COMT: variants seen among roughly 807,000 people sequenced by gnomAD.
COMT encodes the protein catechol-O-methyltransferase, also known as catechol O-methyltransferase.
COMT carries 13 observed loss-of-function variants against 18.9 expected under a neutral mutation model. The ratio of observed to expected loss-of-function variants is 0.69; its 90% confidence interval spans 0.45 to 1.09. The LOEUF is 1.09. Ranked by LOEUF, COMT falls within the 50% of genes least tolerant of loss-of-function variation. COMT has a pLI of 0.00. For synonymous variants in COMT, 150 were observed against 160.9 expected (o/e 0.93, Z 0.51); for missense variants, 329 against 361.8 (o/e 0.91, Z 0.73).
At chr22:19,942,748 G>C (rs1941762084) in intron 1 of COMT, among the ~76,000 whole-genome samples, 1 of 152,208 alleles carries the variant, frequency 6.6e-6, no homozygotes, top group Non-Finnish European at 1.5e-5. Context: ...GAAAAAGCTG[G>C]CTCCATGCTG....
rs9332378 is a variant in COMT at position 19,968,361 on chromosome 22, G to C, written c.616-175G>C. On this transcript the variant is annotated intron_variant, in intron 5 of 5. Coordinates refer to ENST00000361682, the MANE Select transcript of COMT (RefSeq NM_000754.4). Reference sequence around the variant, plus strand: ...CCCATGTTCTGAAGGTGGCACCCAAGTCTTGTACAGTCCTTTCCTGCAGGA... The same window carrying C: ...CCCATGTTCTGAAGGTGGCACCCAACTCTTGTACAGTCCTTTCCTGCAGGA... Among the ~76,000 whole-genome samples the C allele has an allele frequency of 5.7e-3, 870 of 152,318 alleles. 8 individuals carry two copies. Among genetic ancestry groups the C allele is most frequent in the African/African-American group, 0.02 (846 of 41,564 alleles).
chr22:19,966,697 T>C (rs550972620), intron 5 of COMT, among the ~76,000 whole-genome samples: 1 of 152,050 alleles, frequency 6.6e-6, no homozygotes, highest in East Asian at 1.9e-4. Context: ...TGCCTCAACC[T>C]CCCAAAGTGC....
Position 19,950,336 on chromosome 22 carries a change from T to G in COMT, c.-92+8439T>G, listed in dbSNP as rs564321052. On this transcript the variant is annotated intron_variant, in intron 1 of 5. Transcript: ENST00000361682. ...CTAGCCTCAAGTGATCCACTTACCT[T>G]GGCCTCCCAAAGTGCTGGGATTACA... Among the ~76,000 whole-genome samples the G allele has an allele frequency of 4.0e-5, 6 of 150,352 alleles. No individual in the cohort carries two copies. The South Asian group carries it at 1.3e-3, about 32-fold the overall frequency.
chr22:19,953,893 G>C (rs1050941171), intron 1 of COMT, among the ~76,000 whole-genome samples: 3 of 152,130 alleles, frequency 2.0e-5, no homozygotes, highest in African/African-American at 7.2e-5. Context: ...AGGCAGAATC[G>C]GATGTGACCA....
chr22:19,964,328 C>T, intron 5 of COMT, 29 bp downstream of exon 5: 3 of 1,613,658 alleles, frequency 1.9e-6, no homozygotes, highest in Non-Finnish European at 2.5e-6. Context: ...GGCATCCGTG[C>T]CAGCTGCTGC....
intron 1 of COMT, among the ~76,000 whole-genome samples, chr22:19,942,472 C>T (rs559049307): frequency 1.6e-3 from 238 of 152,196 alleles, no homozygotes; most frequent in Admixed American, 2.5e-3. Flanking sequence ...CAGGAAGGGG[C>T]CCAGGACTCC....
intron 3 of COMT, 145 bp downstream of exon 3, chr22:19,962,960 C>G: frequency 1.2e-5 from 13 of 1,073,558 alleles, no homozygotes; most frequent in East Asian, 2.6e-5. Flanking sequence ...GGGGGCTCCT[C>G]TGGAGTCCCA....
rs34300220 is a variant in COMT, at chr22:19,955,121, C to T, written c.-91-6078C>T. On this transcript the variant is annotated intron_variant, in intron 1 of 5. Coordinates refer to ENST00000361682, the MANE Select transcript of COMT (RefSeq NM_000754.4). ...CTGGGCCCAAGCAATCCTCCCACTT[C>T]AGCCTCCTGAGTAGCTGCAGCTATA... is the stretch of plus-strand genomic sequence containing the variant. Among the ~76,000 whole-genome samples, 1,006 of 152,334 alleles carry T rather than the reference C, an allele frequency of 6.6e-3. 2 individuals are homozygous for T. The highest frequency in any genetic ancestry group is 0.02 in the Middle Eastern group (6 of 294).
chr22:19,964,446 T>TGGG, intron 5 of COMT, 147 bp downstream of exon 5: 1 of 1,198,934 alleles, frequency 8.3e-7, no homozygotes, highest in Non-Finnish European at 1.2e-6. Context: ...TCTGGGAGTG[T>TGGG]GGGGGACTGA....
Position 19,950,397 on chromosome 22 carries a change from T to A in COMT, c.-92+8500T>A, listed in dbSNP as rs546713701. On this transcript the variant is annotated intron_variant, in intron 1 of 5. Transcript: ENST00000361682. ...ACCACCCAGCCCTATTTTATATTTT[T>A]ATCTGAACTGTGTTTCTGGCAAATT... Among the ~76,000 whole-genome samples, 7 of 152,264 alleles carry A rather than the reference T, an allele frequency of 4.6e-5. 1 individual carries two copies. Among genetic ancestry groups the A allele is most frequent in the African/African-American group, 1.7e-4 (7 of 41,534 alleles).
At chr22:19,967,708 C>T (rs1023514873) in intron 5 of COMT, 7 of 262,706 alleles carry the variant, frequency 2.7e-5, no homozygotes, top group African/African-American at 1.6e-4. Flanking sequence ...TGCTTGTTAA[C>T]TTTTGTTTGG....
In COMT at chr22:19,962,654, T is replaced by C. The variant is rs1261617944; in HGVS notation, c.128T>C (p.Leu43Pro). The change falls in exon 3 of 6, where the codon CTG becomes CCG. Residue 43 changes from leucine to proline, a missense_variant. Leu to Pro is a moderately conservative substitution (Grantham distance 98, BLOSUM62 -3). Transcript: ENST00000361682. ...CTTATCGGCTGGAACGAGTTCATCC[T>C]GCAGCCCATCCACAACCTGCTCATG... ...LCLIGWNEFI[L>P]QPIHNLLMGD... 6.2e-7 allele frequency: 1 copy of C among 1,610,690 alleles called. No homozygotes were observed. Among genetic ancestry groups the C allele is most frequent in the East Asian group, 2.2e-5 (1 of 44,758 alleles).
Position 19,962,736 on chromosome 22 carries a change from G to A in COMT, c.210G>A (p.Gly70=), listed in dbSNP as rs1232805788. The A allele has an allele frequency of 2.5e-6, 4 of 1,613,762 alleles. No homozygotes were observed. Among genetic ancestry groups the A allele is most frequent in the Non-Finnish European group, 8.5e-7 (1 of 1,179,980 alleles). ...LNHVLQHAEP[G]NAQSVLEAID... Reference sequence around the variant, plus strand: ...ACGTGCTGCAGCATGCGGAGCCCGGGAACGCACAGAGCGTGCTGGAGGCCA... The same window carrying A: ...ACGTGCTGCAGCATGCGGAGCCCGGAAACGCACAGAGCGTGCTGGAGGCCA... The change falls in exon 3 of 6, where the codon GGG becomes GGA. Residue 70 remains glycine (G), a synonymous_variant. Coordinates refer to ENST00000361682, the MANE Select transcript of COMT (RefSeq NM_000754.4).
Position 19,965,711 on chromosome 22 carries a change from T to G in COMT, c.615+1412T>G, listed in dbSNP as rs562735138. On this transcript the variant is annotated intron_variant, in intron 5 of 5. Coordinates refer to ENST00000361682, the MANE Select transcript of COMT (RefSeq NM_000754.4). ...AAAGATCCCTGTCAGCCTTGTGGAG[T>G]GTGGAGAGGGCTGTGGGGAGGGCAT... The G allele has an allele frequency of 6.2e-3, 928 of 150,612 alleles. 6 individuals carry two copies. The highest frequency in any genetic ancestry group is 0.011 in the Non-Finnish European group (719 of 67,732). The allele number at this position is 150,612 out of a possible 1,614,324, so 9.3% of individuals were successfully genotyped here.
chr22:19,956,137 C>CT lies in COMT; in HGVS notation c.-91-5037dup, dbSNP rs71186638. Among the ~76,000 whole-genome samples, 661 of 84,792 alleles carry CT rather than the reference C, an allele frequency of 7.8e-3. 12 individuals carry two copies. Among genetic ancestry groups the CT allele is most frequent in the Middle Eastern group, 0.015 (1 of 66 alleles). The allele number at this position is 84,792 out of a possible 152,430, so 55.6% of individuals were successfully genotyped here. ...CTTTCTTTCTTTTTTTTCTTTTTTT[C>CT]TTTTTTTTTTTTTTTTTTTTTTTTT... On this transcript the variant is annotated intron_variant, in intron 1 of 5. Coordinates refer to ENST00000361682, the MANE Select transcript of COMT (RefSeq NM_000754.4).
intron 1 of COMT, among the ~76,000 whole-genome samples, chr22:19,952,637 T>TCAAAA (rs1326429442): frequency 7.1e-6 from 1 of 140,084 alleles, no homozygotes; most frequent in Non-Finnish European, 1.5e-5. Context: ...AGACTCCGTC[T>TCAAAA]CAAAACAAAA....
intron 3 of COMT, 126 bp from the exon 4 acceptor site, chr22:19,963,440 G>T: frequency 9.0e-7 from 1 of 1,108,774 alleles, no homozygotes; most frequent in Non-Finnish European, 1.3e-6. Context: ...GGGCAGAGGA[G>T]GGCCAGCGGC....
At chr22:19,956,374 T>C (rs1185416252) in intron 1 of COMT, among the ~76,000 whole-genome samples, 7 of 128,312 alleles carry the variant, frequency 5.5e-5, no homozygotes, top group African/African-American at 2.0e-4. Context: ...AGCTCTCTTT[T>C]TTTTTTTTTT....
rs2146120874 is a variant in COMT at position 19,941,887 on chromosome 22, T to C, written c.-102T>C. On this transcript the variant is annotated 5_prime_UTR_variant, in exon 1 of 6. Coordinates refer to ENST00000361682, the MANE Select transcript of COMT (RefSeq NM_000754.4). ...GGCGGGTCCAGTCCCGGGCGGGCCG[T>C]CGCGGGAGAGGTGAGAGCGCTGGCT... is the stretch of plus-strand genomic sequence containing the variant. 13 of 1,353,394 alleles carry C rather than the reference T, an allele frequency of 9.6e-6. No individual in the cohort carries two copies. Among genetic ancestry groups the C allele is most frequent in the Non-Finnish European group, 1.1e-5 (12 of 1,051,736 alleles). 83.8% of individuals were successfully genotyped at this position (1,353,394 alleles called of 1,614,324 possible).
Sources: gnomAD v4.1 joint callset for allele counts (sites outside exome capture counted in the v4.1 genomes callset) on GRCh38, gnomAD v4.1.1 for gene constraint, MANE v1.5 for transcripts, NCBI Gene and HGNC (gene_info 2026-07-23, HGNC 2026-07-21) for gene names.